The following LCA5 variants were observed in gnomAD, a reference collection of about 807,000 sequenced individuals.
LCA5 encodes the protein lebercilin LCA5, also known as lebercilin.
LCA5 carries 37 observed loss-of-function variants against 53.0 expected under a neutral mutation model. The observed-to-expected ratio is 0.70, with a 90% confidence interval of 0.54 to 0.92. The LOEUF (loss-of-function observed/expected upper bound fraction) is 0.92. Ranked by LOEUF, LCA5 falls within the 40% of genes least tolerant of loss-of-function variation. The pLI is 0.00. For synonymous variants in LCA5, 303 were observed against 282.9 expected (o/e 1.07, Z -0.71); for missense variants, 806 against 790.5 (o/e 1.02, Z -0.23).
At position 79,487,258 on chromosome 6, in the gene LCA5, T is replaced by C; in HGVS notation, c.1840A>G (p.Ser614Gly). Residue 614 changes from serine to glycine, a missense_variant, in exon 8 of 8, where the codon AGC becomes GGC. Coordinates refer to ENST00000369846, the MANE Select transcript of LCA5 (RefSeq NM_001122769.3). Reference protein sequence around the residue: ...LMEQLFGASGSSTISSKSSDP... With the variant: ...LMEQLFGASGGSTISSKSSDP... ...CTGCTTTTGGAGGAAATGGTGCTGCTACCACTGGCACCAAATAACTGTTCC... is the reference window on the plus strand; with the variant it reads ...CTGCTTTTGGAGGAAATGGTGCTGCCACCACTGGCACCAAATAACTGTTCC... The C allele has an allele frequency of 6.2e-7, 1 of 1,614,148 alleles. No individual in the cohort carries two copies. Among genetic ancestry groups the C allele is most frequent in the Non-Finnish European group, 8.5e-7 (1 of 1,179,966 alleles).
At chr6:79,536,920 C>T (rs1767152954) in intron 1 of LCA5, among the ~76,000 whole-genome samples, 1 of 152,168 alleles carries the variant, frequency 6.6e-6, no homozygotes, top group Non-Finnish European at 1.5e-5. Flanking sequence ...CCCCCAGTGC[C>T]GGTCAACCTC....
Position 79,526,405 on chromosome 6 carries a change from G to A in LCA5, c.-191-7320C>T, listed in dbSNP as rs148198390. ...TAAAAACACAAAAAATTAGCTGGGC[G>A]AGGTGGCGGGCGCGTGTAGTCCCAG... On this transcript the variant is annotated intron_variant, in intron 1 of 7. Coordinates refer to ENST00000369846, the MANE Select transcript of LCA5 (RefSeq NM_001122769.3). 4.4e-3 allele frequency among the ~76,000 whole-genome samples: 662 copies of A among 152,170 alleles called. 9 individuals carry two copies. The highest frequency in any genetic ancestry group is 0.015 in the African/African-American group (626 of 41,524).
At position 79,493,634 on chromosome 6, in the gene LCA5, C is replaced by T. The variant is rs1467556521; in HGVS notation, c.837G>A (p.Gln279=). The part of the protein sequence containing the change: ...DENKVLQKEV[Q]RLYHKLKEKE... ...TTACCTTTAATTTGTGATATAGTCGCTGTACCTCCTTTTGAAGAACTTTAT... is the reference window on the plus strand; with the variant it reads ...TTACCTTTAATTTGTGATATAGTCGTTGTACCTCCTTTTGAAGAACTTTAT... The change falls in exon 4 of 8, where the codon CAG becomes CAA. Residue 279 remains glutamine, a synonymous_variant. Coordinates refer to ENST00000369846, the MANE Select transcript of LCA5 (RefSeq NM_001122769.3). 2.5e-6 allele frequency: 4 copies of T among 1,613,342 alleles called. No homozygotes were observed. The highest frequency in any genetic ancestry group is 3.4e-6 in the Non-Finnish European group (4 of 1,179,522).
At chr6:79,519,987 A>G (rs1469332526) in intron 1 of LCA5, among the ~76,000 whole-genome samples, 1 of 152,098 alleles carries the variant, frequency 6.6e-6, no homozygotes, top group Non-Finnish European at 1.5e-5. Flanking sequence ...ATAACACTCA[A>G]TGCTGTCAGA....
intron 6 of LCA5, 44 bp from the exon 7 acceptor site, chr6:79,489,260 A>AG (rs574952998): frequency 1.2e-5 from 19 of 1,595,230 alleles, no homozygotes; most frequent in Middle Eastern, 1.7e-4. Flanking sequence ...ATTATAGAAA[A>AG]GGGGGGGAAC....
intron 1 of LCA5, among the ~76,000 whole-genome samples, chr6:79,521,101 T>C (rs1457729475): frequency 6.6e-6 from 1 of 152,146 alleles, no homozygotes; most frequent in East Asian, 1.9e-4. Flanking sequence ...TATTTAATTT[T>C]AATTAATTTT....
chr6:79,534,001 G>A (rs1388414330), intron 1 of LCA5, among the ~76,000 whole-genome samples: 1 of 150,478 alleles, frequency 6.6e-6, no homozygotes, highest in Non-Finnish European at 1.5e-5. Context: ...CAAAAAAGAT[G>A]AGATAAAAGT....
At chr6:79,538,701 A>G (rs1269599199), upstream of LCA5, among the ~76,000 whole-genome samples, 1 of 152,216 alleles carries the variant, frequency 6.6e-6, no homozygotes, top group Non-Finnish European at 1.5e-5. Flanking sequence ...AACATACCGT[A>G]TTTACGTGGA....
At chr6:79,499,516 C>A (rs937666096) in intron 3 of LCA5, among the ~76,000 whole-genome samples, 1 of 151,816 alleles carries the variant, frequency 6.6e-6, no homozygotes, top group Non-Finnish European at 1.5e-5. Flanking sequence ...CAAGTAGGTA[C>A]ATGAATGTTT....
intron 3 of LCA5, among the ~76,000 whole-genome samples, chr6:79,495,038 C>CG (rs1769942547): frequency 6.6e-6 from 1 of 152,192 alleles, no homozygotes; most frequent in Non-Finnish European, 1.5e-5. Flanking sequence ...TGGTAGGAAC[C>CG]GGGCTTGCAC....
rs115088718 is a variant in LCA5, at chr6:79,510,842, A to G, written c.720+2370T>C. Among the ~76,000 whole-genome samples, 1,292 of 152,278 alleles carry G rather than the reference A, an allele frequency of 8.5e-3. 23 individuals carry two copies. Among genetic ancestry groups the G allele is most frequent in the African/African-American group, 0.03 (1,234 of 41,554 alleles). ...GTTCAACATCATTAGCCATTAGGGA[A>G]AGGCAAATTAAAACCACAATGAGAT... On this transcript the variant is annotated intron_variant, in intron 3 of 7. Coordinates refer to ENST00000369846, the MANE Select transcript of LCA5 (RefSeq NM_001122769.3).
Position 79,509,694 on chromosome 6 carries a change from G to C in LCA5, c.720+3518C>G, listed in dbSNP as rs1770360964. Among the ~76,000 whole-genome samples the C allele has an allele frequency of 2.0e-5, 3 of 152,002 alleles. No individual in the cohort carries two copies. The South Asian group carries it at 6.2e-4, about 32-fold the overall frequency. ...AACTTTTACAACAAAAATAAGCTTT[G>C]ACATTCAAAAATAAAAGTTCAAAAG... On this transcript the variant is annotated intron_variant, in intron 3 of 7. Transcript: ENST00000369846.
Position 79,511,919 on chromosome 6 carries a change from C to T in LCA5, c.720+1293G>A, listed in dbSNP as rs377427345. 3.9e-5 allele frequency among the ~76,000 whole-genome samples: 6 copies of T among 152,066 alleles called. No individual in the cohort carries two copies. In the East Asian group the frequency reaches 1.2e-3, roughly 29 times the overall value. The stretch of plus-strand genomic sequence containing the variant: ...ACTTCTTATTCCTTCTTTTTCTTCT[C>T]CCTCTCCACCACCTGTCAATCCCCT... On this transcript the variant is annotated intron_variant, in intron 3 of 7. Coordinates refer to ENST00000369846, the MANE Select transcript of LCA5 (RefSeq NM_001122769.3).
At chr6:79,497,395 A>C (rs1770008752) in intron 3 of LCA5, among the ~76,000 whole-genome samples, 1 of 152,222 alleles carries the variant, frequency 6.6e-6, no homozygotes, top group Non-Finnish European at 1.5e-5. Flanking sequence ...ATGTGGCTCC[A>C]GATGTGATAC....
chr6:79,538,018 G>GTTTTTTTTTTTTTTTTTTT (rs869197362), upstream of LCA5, among the ~76,000 whole-genome samples: 4 of 44,164 alleles, frequency 9.1e-5, 1 homozygote, highest in Admixed American at 3.8e-4. Context: ...TTGCACACAA[G>GTTTTTTTTTTTTTTTTTTT]TTTTTTTTTT....
chr6:79,489,354 T>C, intron 6 of LCA5, 138 bp from the exon 7 acceptor site: 1 of 812,212 alleles, frequency 1.2e-6, no homozygotes, highest in Non-Finnish European at 2.0e-6. Context: ...AATCAGTAAA[T>C]CACAAGTTAT....
At chr6:79,507,821 A>C (rs1770309776) in intron 3 of LCA5, among the ~76,000 whole-genome samples, 1 of 152,144 alleles carries the variant, frequency 6.6e-6, no homozygotes, top group South Asian at 2.1e-4. Flanking sequence ...AAAATGCTAT[A>C]TAAACTGCAT....
chr6:79,530,983 T>A (rs1473141010), intron 1 of LCA5, among the ~76,000 whole-genome samples: 1 of 152,158 alleles, frequency 6.6e-6, no homozygotes, highest in Non-Finnish European at 1.5e-5. Flanking sequence ...CAAGATTACA[T>A]AACAATTTAT....
At chr6:79,498,442 TA>T (rs974323796) in intron 3 of LCA5, among the ~76,000 whole-genome samples, 6 of 151,796 alleles carry the variant, frequency 4.0e-5, no homozygotes, top group Non-Finnish European at 5.9e-5. Flanking sequence ...GAGAACATGT[TA>T]AAAAAAATAC....
Sources: allele counts gnomAD v4.1 joint callset (sites outside exome capture counted in the v4.1 genomes callset), GRCh38; gene constraint gnomAD v4.1.1; transcripts MANE v1.5; gene names NCBI Gene and HGNC (gene_info 2026-07-23, HGNC 2026-07-21).